The following MIER1 variants were observed in gnomAD, a reference collection of about 807,000 sequenced individuals.
MIER1 encodes the protein mesoderm induction early response protein 1.
Under a neutral mutation model 75.7 loss-of-function variants are expected in MIER1, and 40 were observed. The observed-to-expected ratio is 0.53, with a 90% CI of 0.41 to 0.69. The LOEUF (loss-of-function observed/expected upper bound fraction) is 0.69, where lower values mean the gene tolerates loss of function less well. MIER1 is among the 30% of genes least tolerant of loss of function. The pLI, the probability that MIER1 is intolerant of heterozygous loss-of-function variation, is 0.00. For missense variants in MIER1, 574 were observed against 680.2 expected (o/e 0.84, Z 1.74); for synonymous variants, 213 against 223.4 (o/e 0.95, Z 0.42).
intron 8 of MIER1, among the ~76,000 whole-genome samples, chr1:66,964,799 A>G (rs1662043864): frequency 1.3e-5 from 2 of 152,186 alleles, no homozygotes; most frequent in South Asian, 4.1e-4. Flanking sequence ...ATCACTCAGG[A>G]CTAGAAATCT....
At chr1:66,954,609 A>G (rs1323079755) in intron 4 of MIER1, among the ~76,000 whole-genome samples, 2 of 152,198 alleles carry the variant, frequency 1.3e-5, no homozygotes, top group Admixed American at 6.5e-5. Flanking sequence ...CTCTAAATGC[A>G]CTGTGATCAG....
intron 4 of MIER1, among the ~76,000 whole-genome samples, chr1:66,954,254 T>C (rs950309938): frequency 1.6e-4 from 25 of 152,336 alleles, no homozygotes; most frequent in African/African-American, 5.3e-4. Flanking sequence ...TGTTTTGTTG[T>C]GTGTGTAATT....
chr1:66,980,731 G>A (rs1665713110), intron 12 of MIER1, among the ~76,000 whole-genome samples: 1 of 151,740 alleles, frequency 6.6e-6, no homozygotes, highest in African/African-American at 2.4e-5. Context: ...CACAACTTAG[G>A]TACCAGTGGT....
intron 2 of MIER1, among the ~76,000 whole-genome samples, chr1:66,933,777 A>G (rs554145451): frequency 4.6e-5 from 7 of 152,322 alleles, no homozygotes; most frequent in African/African-American, 1.7e-4. Flanking sequence ...ATTGGCAGTT[A>G]AGAGTTAGGG....
rs1297180772 is a variant in MIER1, at chr1:66,988,410, T to C, written c.*3510T>C. On this transcript the variant is annotated 3_prime_UTR_variant, in exon 14 of 14. Transcript: ENST00000401041. ...TCCATCCACCCACTTACAGACTGATTTCATGTATCTGAATATCTGATTAAC... is the reference window on the plus strand; with the variant it reads ...TCCATCCACCCACTTACAGACTGATCTCATGTATCTGAATATCTGATTAAC... The C allele has an allele frequency of 1.3e-5, 2 of 152,032 alleles. No homozygotes were observed. Among genetic ancestry groups the C allele is most frequent in the Non-Finnish European group, 3.0e-5 (2 of 67,762 alleles). 9.4% of individuals were successfully genotyped at this position (152,032 alleles called of 1,614,324 possible). A position where few individuals can be genotyped will look rare whatever the true frequency, so the allele number is the denominator to read the frequency against.
At chr1:66,931,071 T>G (rs999674724) in intron 2 of MIER1, among the ~76,000 whole-genome samples, 6 of 98,744 alleles carry the variant, frequency 6.1e-5, no homozygotes, top group African/African-American at 2.0e-4. Context: ...CCCCACCCCC[T>G]TTCCAAATCA....
At chr1:66,941,862 C>G (rs1013971860) in intron 3 of MIER1, among the ~76,000 whole-genome samples, 2 of 150,922 alleles carry the variant, frequency 1.3e-5, no homozygotes, top group South Asian at 2.1e-4. Flanking sequence ...CCCAGCTACT[C>G]GGAAGGCTGA....
chr1:66,979,914 G>A (rs566407237), intron 12 of MIER1, among the ~76,000 whole-genome samples: 5 of 152,078 alleles, frequency 3.3e-5, no homozygotes, highest in South Asian at 2.1e-4. Flanking sequence ...ACAGGCATGC[G>A]CCACCACACC....
chr1:66,957,956 T>A, intron 4 of MIER1, 103 bp from the exon 5 acceptor site: 1 of 591,658 alleles, frequency 1.7e-6, no homozygotes, highest in Non-Finnish European at 2.7e-6. Context: ...ACACAGCTTT[T>A]ATTCTTCACT....
Position 66,958,866 on chromosome 1 carries a change from G to A in MIER1, c.517G>A (p.Asp173Asn), listed in dbSNP as rs1660689809. ...SGENKEENIKDSSGQEDETQS... is the reference protein window; with the variant it reads ...SGENKEENIKNSSGQEDETQS... ...TATTCCACAGGAGGAGAATATAAAG[G>A]ATTCATCAGGTCAGGAGGATGAAAC... Residue 173 changes from aspartate to asparagine, a missense_variant, in exon 6 of 14, where the codon GAT becomes AAT. By Grantham distance (23) the Asp-to-Asn change is conservative (BLOSUM62 1). Coordinates refer to ENST00000401041, the MANE Select transcript of MIER1 (RefSeq NM_001077700.3). 2.5e-6 allele frequency: 4 copies of A among 1,608,694 alleles called. No homozygotes were observed. Among genetic ancestry groups the A allele is most frequent in the Non-Finnish European group, 3.4e-6 (4 of 1,176,408 alleles).
chr1:66,972,258 A>T (rs1663838783), intron 10 of MIER1, among the ~76,000 whole-genome samples: 1 of 59,848 alleles, frequency 1.7e-5, no homozygotes. Flanking sequence ...ATATATATAT[A>T]TATAGATATG....
At chr1:66,941,903 AGG>A (rs1377693026) in intron 3 of MIER1, among the ~76,000 whole-genome samples, 3 of 147,908 alleles carry the variant, frequency 2.0e-5, no homozygotes, top group Non-Finnish European at 4.4e-5. Context: ...TGGGAGGTGA[AGG>A]TTGCAGTGAG....
intron 7 of MIER1, among the ~76,000 whole-genome samples, chr1:66,960,731 G>A (rs953799850): frequency 3.9e-5 from 6 of 152,100 alleles, no homozygotes; most frequent in Non-Finnish European, 7.3e-5. Context: ...CCCAGTTTAC[G>A]GTATGTGTTA....
At chr1:66,925,522 T>C (rs1651423838) in intron 1 of MIER1, 2 of 985,362 alleles carry the variant, frequency 2.0e-6, no homozygotes, top group Admixed American at 1.2e-4. Context: ...TCGCTTGCAC[T>C]GCAGCCTTTA....
chr1:66,983,779 A>G (rs4581250), intron 13 of MIER1, among the ~76,000 whole-genome samples: 64,236 of 151,982 alleles, frequency 0.42, 15,668 homozygotes, highest in African/African-American at 0.67. Context: ...CCAGGCTGGA[A>G]TGCAGTGGCA....
chr1:66,934,372 G>A (rs2101103164), intron 2 of MIER1, among the ~76,000 whole-genome samples: 1 of 151,320 alleles, frequency 6.6e-6, no homozygotes, highest in African/African-American at 2.4e-5. Flanking sequence ...TGTATTCCTA[G>A]ATTCCTAGTG....
rs187209565 is a variant in MIER1, at chr1:66,983,466, C to T, written c.1370-1106C>T. Among the ~76,000 whole-genome samples the T allele has an allele frequency of 4.2e-4, 63 of 151,038 alleles. No individual in the cohort carries two copies. In the East Asian group the frequency reaches 0.012, roughly 29 times the overall value. ...ATTAAATTGTAATTATTCAGTGATGCACCCTATATTTTACTTCTTATCACC... is the reference window on the plus strand; with the variant it reads ...ATTAAATTGTAATTATTCAGTGATGTACCCTATATTTTACTTCTTATCACC... On this transcript the variant is annotated intron_variant, in intron 13 of 13. Coordinates refer to ENST00000401041, the MANE Select transcript of MIER1 (RefSeq NM_001077700.3).
chr1:66,978,902 T>A (rs1004368999), intron 12 of MIER1, among the ~76,000 whole-genome samples: 1 of 152,314 alleles, frequency 6.6e-6, no homozygotes, highest in Admixed American at 6.5e-5. Context: ...CTGAAAACTT[T>A]TTGAAGATAC....
In MIER1 at chr1:66,984,928, A is replaced by T. The variant is rs1341229822; in HGVS notation, c.*28A>T. ...TTTAGACCTATTTTACTTTCTTTGG[A>T]GTAAATTCTGGTGTGACTAAAATTT... On this transcript the variant is annotated 3_prime_UTR_variant, in exon 14 of 14. Coordinates refer to ENST00000401041, the MANE Select transcript of MIER1 (RefSeq NM_001077700.3). 3.2e-6 allele frequency: 5 copies of T among 1,544,670 alleles called. No homozygotes were observed. The highest frequency in any genetic ancestry group is 4.3e-6 in the Non-Finnish European group (5 of 1,152,198).
Sources: allele counts gnomAD v4.1 joint callset (sites outside exome capture counted in the v4.1 genomes callset), GRCh38; gene constraint gnomAD v4.1.1; transcripts MANE v1.5; gene names NCBI Gene and HGNC (gene_info 2026-07-23, HGNC 2026-07-21).